The following SH3RF3 variants were observed in gnomAD, a reference collection of about 807,000 sequenced individuals.
SH3RF3 encodes SH3 domain containing ring finger 3.
Under a neutral mutation model 66.3 loss-of-function variants are expected in SH3RF3, and 29 were observed. The ratio of observed to expected loss-of-function variants is 0.44; its 90% CI spans 0.33 to 0.60. The LOEUF is 0.60. SH3RF3 is among the 20% of genes least tolerant of loss of function. SH3RF3 has a pLI of 0.04. For missense variants in SH3RF3, 1,194 were observed against 1,190.9 expected, an observed-to-expected ratio of 1.00 and a Z score of -0.04; for synonymous variants, 583 against 532.0, an observed-to-expected ratio of 1.10 and a Z score of -1.32.
chr2:109,336,054 G>A (rs1386207392), intron 1 of SH3RF3, among the ~76,000 whole-genome samples: 1 of 152,144 alleles, frequency 6.6e-6, no homozygotes, highest in East Asian at 1.9e-4. Context: ...TAGCGTAGAA[G>A]GCATTCCTCT....
At chr2:109,443,403 A>T (rs950899270) in intron 7 of SH3RF3, among the ~76,000 whole-genome samples, 1 of 152,172 alleles carries the variant, frequency 6.6e-6, no homozygotes, top group African/African-American at 2.4e-5. Flanking sequence ...CGCCTTGTTC[A>T]ACCTCAGCTG....
intron 2 of SH3RF3, among the ~76,000 whole-genome samples, chr2:109,358,380 G>A (rs1448316407): frequency 6.6e-6 from 1 of 152,180 alleles, no homozygotes; most frequent in East Asian, 1.9e-4. Flanking sequence ...GTTTTTGTGT[G>A]GACATAAGCT....
chr2:109,360,063 CAAAAAA>C (rs35020112), intron 2 of SH3RF3, among the ~76,000 whole-genome samples: 9 of 135,140 alleles, frequency 6.7e-5, no homozygotes, highest in Admixed American at 1.5e-4. Flanking sequence ...TTCCTTGCAC[CAAAAAA>C]AAAAAAAAAA....
At chr2:109,158,277 G>T (rs953388596) in intron 1 of SH3RF3, among the ~76,000 whole-genome samples, 3 of 152,130 alleles carry the variant, frequency 2.0e-5, no homozygotes, top group African/African-American at 7.2e-5. Context: ...CCAGGCTCCC[G>T]GTTGCCACTT....
At chr2:109,354,368 A>G (rs1467544830) in intron 2 of SH3RF3, among the ~76,000 whole-genome samples, 1 of 152,146 alleles carries the variant, frequency 6.6e-6, no homozygotes, top group East Asian at 1.9e-4. Flanking sequence ...CTTCTAGGAA[A>G]CCACTCGACT....
At chr2:109,200,825 C>G (rs1678652529) in intron 1 of SH3RF3, among the ~76,000 whole-genome samples, 1 of 152,228 alleles carries the variant, frequency 6.6e-6, no homozygotes, top group African/African-American at 2.4e-5. Context: ...GTTCACAGGA[C>G]AAGAGAAAAG....
intron 4 of SH3RF3, among the ~76,000 whole-genome samples, chr2:109,406,208 G>C (rs892902518): frequency 2.6e-5 from 4 of 152,196 alleles, no homozygotes; most frequent in African/African-American, 9.7e-5. Context: ...TGCTCTGCTG[G>C]GGGAGGGAGG....
intron 2 of SH3RF3, among the ~76,000 whole-genome samples, chr2:109,368,429 A>C (rs1683191898): frequency 6.6e-6 from 1 of 152,158 alleles, no homozygotes; most frequent in South Asian, 2.1e-4. Flanking sequence ...GGATTAGAGA[A>C]CTAATTTTAT....
At chr2:109,414,614 A>G (rs975209391) in intron 4 of SH3RF3, among the ~76,000 whole-genome samples, 4 of 152,164 alleles carry the variant, frequency 2.6e-5, no homozygotes, top group Non-Finnish European at 5.9e-5. Context: ...TAGATCAGCT[A>G]TACATACATG....
At chr2:109,208,089 A>G (rs1678883149) in intron 1 of SH3RF3, among the ~76,000 whole-genome samples, 1 of 150,264 alleles carries the variant, frequency 6.7e-6, no homozygotes, top group African/African-American at 2.5e-5. Flanking sequence ...TGCTGGGCAC[A>G]GTGCTGGGCC....
At chr2:109,392,583 A>G (rs1676030271) in intron 3 of SH3RF3, among the ~76,000 whole-genome samples, 1 of 151,720 alleles carries the variant, frequency 6.6e-6, no homozygotes, top group African/African-American at 2.4e-5. Flanking sequence ...ATCTTGGCTC[A>G]CTGCAAGCTC....
chr2:109,439,052 C>A (rs1208233254), intron 7 of SH3RF3, among the ~76,000 whole-genome samples: 1 of 152,132 alleles, frequency 6.6e-6, no homozygotes, highest in Non-Finnish European at 1.5e-5. Flanking sequence ...CTTTCCACAC[C>A]AAGCCTTGCT....
chr2:109,134,274 C>T (rs925676817), intron 1 of SH3RF3, among the ~76,000 whole-genome samples: 2 of 152,108 alleles, frequency 1.3e-5, no homozygotes, highest in African/African-American at 4.8e-5. Context: ...TCCAGTTTGG[C>T]TGGATGGTTG....
chr2:109,220,486 G>A (rs574916853), intron 1 of SH3RF3, among the ~76,000 whole-genome samples: 1 of 152,126 alleles, frequency 6.6e-6, no homozygotes, highest in African/African-American at 2.4e-5. Context: ...AGAGTGAAAA[G>A]ATAACCTAAA....
At chr2:109,415,692 T>A (rs1676705374) in intron 4 of SH3RF3, among the ~76,000 whole-genome samples, 1 of 152,132 alleles carries the variant, frequency 6.6e-6, no homozygotes, top group Non-Finnish European at 1.5e-5. Context: ...CCACGCAGCC[T>A]GTCCTCATCC....
At chr2:109,452,033 A>G (rs1022445565) in intron 8 of SH3RF3, among the ~76,000 whole-genome samples, 1 of 152,216 alleles carries the variant, frequency 6.6e-6, no homozygotes, top group Non-Finnish European at 1.5e-5. Flanking sequence ...CCTCTCATAA[A>G]CAACAAAGAC....
At chr2:109,497,607 C>T (rs533060782) in intron 9 of SH3RF3, among the ~76,000 whole-genome samples, 2 of 152,172 alleles carry the variant, frequency 1.3e-5, no homozygotes, top group Non-Finnish European at 1.5e-5. Context: ...GCTGCTGACA[C>T]GGACACGACA....
chr2:109,484,727 A>G (rs138612629), intron 8 of SH3RF3, among the ~76,000 whole-genome samples: 2 of 152,322 alleles, frequency 1.3e-5, no homozygotes, highest in African/African-American at 4.8e-5. Flanking sequence ...AAAAGGGTAT[A>G]ACAAAACTGA....
At chr2:109,133,750 A>C (rs1439893018) in intron 1 of SH3RF3, among the ~76,000 whole-genome samples, 1 of 147,650 alleles carries the variant, frequency 6.8e-6, no homozygotes, top group African/African-American at 2.5e-5. Flanking sequence ...TTGCACTCAA[A>C]CTTCTTTCCC....
Sources: allele counts gnomAD v4.1 joint callset (sites outside exome capture counted in the v4.1 genomes callset), GRCh38; gene constraint gnomAD v4.1.1; transcripts MANE v1.5; gene names NCBI Gene and HGNC (gene_info 2026-07-23, HGNC 2026-07-21).